The following RTN4 variants were observed in gnomAD, a reference collection of about 807,000 sequenced individuals.
The protein encoded by RTN4 is reticulon-4.
A neutral mutation model predicts 90.4 loss-of-function variants in RTN4; 32 were observed. The ratio of observed to expected loss-of-function variants is 0.35; its 90% CI spans 0.27 to 0.48. The LOEUF is 0.48. RTN4 is among the 20% of genes least tolerant of loss of function. The pLI is 0.99. For synonymous variants in RTN4, 629 were observed against 552.5 expected (o/e 1.14, Z -1.94); for missense variants, 1,706 against 1,430.2 (o/e 1.19, Z -3.11).
chr2:55,070,625 TGG>T (rs899971699), intron 2 of RTN4, among the ~76,000 whole-genome samples: 16 of 151,634 alleles, frequency 1.1e-4, no homozygotes, highest in Non-Finnish European at 2.1e-4. Context: ...AAAATGCCTT[TGG>T]GAAGAGGGAT....
At chr2:55,031,645 A>T (rs777149410) in intron 1 of RTN4, among the ~76,000 whole-genome samples, 3 of 152,212 alleles carry the variant, frequency 2.0e-5, no homozygotes, top group Non-Finnish European at 4.4e-5. Flanking sequence ...AAACACCTCA[A>T]GCAGGACTAC....
intron 1 of RTN4, chr2:55,049,032 G>A (rs1667939017): frequency 2.8e-5 from 24 of 867,806 alleles, no homozygotes; most frequent in Non-Finnish European, 3.2e-5. Flanking sequence ...CTGGTGGGGA[G>A]CAGTCCACAT....
intron 3 of RTN4, among the ~76,000 whole-genome samples, chr2:54,994,751 G>A (rs1456078053): frequency 6.6e-6 from 1 of 152,112 alleles, no homozygotes; most frequent in Non-Finnish European, 1.5e-5. Context: ...CATCCATATT[G>A]GAAAGGAAGA....
At position 55,111,270 on chromosome 2, in the gene RTN4, C is replaced by G. The variant is rs531434139; in HGVS notation, c.-214+1250G>C. ...AAAATTCACTTTAACCTCACTCTTCCGAGATTTTAAAAACAGAGCAAGCAC... is the reference window on the plus strand; with the variant it reads ...AAAATTCACTTTAACCTCACTCTTCGGAGATTTTAAAAACAGAGCAAGCAC... On this transcript the variant is annotated intron_variant, in intron 1 of 3. Coordinates refer to the RTN4 transcript ENST00000427710. Among the ~76,000 whole-genome samples the G allele has an allele frequency of 3.3e-5, 5 of 151,930 alleles. No individual in the cohort carries two copies. The East Asian group carries it at 9.6e-4, about 29-fold the overall frequency.
intron 3 of RTN4, among the ~76,000 whole-genome samples, chr2:55,022,454 G>A (rs1045129059): frequency 1.3e-5 from 2 of 152,106 alleles, no homozygotes; most frequent in African/African-American, 4.8e-5. Context: ...TGGTTTCCCT[G>A]TGGAACTTGC....
At chr2:55,052,776 C>T (rs771647522), upstream of RTN4, among the ~76,000 whole-genome samples, 60 of 152,166 alleles carry the variant, frequency 3.9e-4, no homozygotes, top group Non-Finnish European at 6.3e-4. Flanking sequence ...TTTTATGATA[C>T]GACCTTTTCT....
intron 1 of RTN4, among the ~76,000 whole-genome samples, chr2:55,100,399 C>A (rs1189316923): frequency 6.6e-6 from 1 of 152,138 alleles, no homozygotes; most frequent in Non-Finnish European, 1.5e-5. Flanking sequence ...TCACATAAAT[C>A]TTAATGCTGG....
intron 2 of RTN4, among the ~76,000 whole-genome samples, chr2:55,061,879 C>G (rs975956130): frequency 6.6e-6 from 1 of 152,108 alleles, no homozygotes; most frequent in Non-Finnish European, 1.5e-5. Context: ...CCAAGACCCC[C>G]TTGGCCTGCC....
chr2:54,992,714 T>C (rs1679106797), intron 3 of RTN4, among the ~76,000 whole-genome samples: 1 of 151,950 alleles, frequency 6.6e-6, no homozygotes. Flanking sequence ...CAGAAACATG[T>C]CCATAATGAT....
chr2:55,033,523 G>A (rs1290167312), intron 1 of RTN4, among the ~76,000 whole-genome samples: 2 of 152,128 alleles, frequency 1.3e-5, no homozygotes, highest in Non-Finnish European at 1.5e-5. Context: ...TAACCCTACC[G>A]CCTTCTTGTT....
chr2:55,134,167 T>C, the RTN4 span, among the ~76,000 whole-genome samples: 17 of 152,172 alleles, frequency 1.1e-4, no homozygotes, highest in African/African-American at 3.9e-4. Flanking sequence ...TTATAATTAG[T>C]GTATAACGAG....
intron 1 of RTN4, among the ~76,000 whole-genome samples, chr2:55,039,777 C>T (rs751408024): frequency 2.6e-5 from 4 of 152,150 alleles, no homozygotes; most frequent in Non-Finnish European, 4.4e-5. Flanking sequence ...GAAACTCCAT[C>T]TCTAAATAAA....
intron 2 of RTN4, among the ~76,000 whole-genome samples, chr2:55,056,912 G>A (rs1466164044): frequency 6.6e-6 from 1 of 152,178 alleles, no homozygotes; most frequent in Non-Finnish European, 1.5e-5. Context: ...CAGAGGTTAT[G>A]CAATAAGATA....
chr2:54,977,631 T>C (rs1033506758), intron 5 of RTN4, among the ~76,000 whole-genome samples: 1 of 152,106 alleles, frequency 6.6e-6, no homozygotes, highest in Non-Finnish European at 1.5e-5. Flanking sequence ...CTGAGCCCAG[T>C]AGGCATTGTC....
intron 3 of RTN4, among the ~76,000 whole-genome samples, chr2:54,994,952 T>C (rs1679300230): frequency 6.6e-6 from 1 of 152,130 alleles, no homozygotes; most frequent in Non-Finnish European, 1.5e-5. Context: ...CATCATCATA[T>C]TCTAAATAAA....
chr2:55,108,632 A>G (rs948005746), intron 1 of RTN4, among the ~76,000 whole-genome samples: 5 of 152,140 alleles, frequency 3.3e-5, no homozygotes, highest in African/African-American at 1.2e-4. Context: ...TTTGGAAATA[A>G]GAAGCCACAG....
intron 2 of RTN4, among the ~76,000 whole-genome samples, chr2:55,064,587 G>T (rs1293067666): frequency 6.6e-6 from 1 of 152,146 alleles, no homozygotes; most frequent in Non-Finnish European, 1.5e-5. Flanking sequence ...CTGACCTCAG[G>T]TGATCCATCA....
At chr2:54,984,779 C>G (rs1327163565) in intron 4 of RTN4, among the ~76,000 whole-genome samples, 1 of 152,118 alleles carries the variant, frequency 6.6e-6, no homozygotes, top group Non-Finnish European at 1.5e-5. Context: ...GCTGAATTTA[C>G]TTTATAATGA....
At chr2:55,082,752 T>C (rs1558872618) in intron 1 of RTN4, among the ~76,000 whole-genome samples, 3 of 152,228 alleles carry the variant, frequency 2.0e-5, no homozygotes, top group Non-Finnish European at 2.9e-5. Context: ...ATGCCTCCTA[T>C]GTACCAGGTG....
Sources: allele counts gnomAD v4.1 joint callset (sites outside exome capture counted in the v4.1 genomes callset), GRCh38; gene constraint gnomAD v4.1.1; transcripts MANE v1.5; gene names NCBI Gene and HGNC (gene_info 2026-07-23, HGNC 2026-07-21).